Variants in OC90 observed in about 807,000 individuals in gnomAD.
OC90 encodes the protein otoconin 90, also known as otoconin-90.
Under a neutral mutation model 47.3 loss-of-function variants are expected in OC90, and 46 were observed. That is an observed-to-expected ratio of 0.97 (90% CI 0.77 to 1.24). The LOEUF is 1.24. Among genes scored for constraint, OC90 ranks in the 50% most tolerant of loss-of-function variants. The pLI is 0.00. For synonymous variants in OC90, 271 were observed against 219.5 expected (o/e 1.23, Z -2.07); for missense variants, 688 against 583.9 (o/e 1.18, Z -1.84).
chr8:132,042,548 T>C (rs1040241160), intron 4 of OC90, among the ~76,000 whole-genome samples: 3 of 152,182 alleles, frequency 2.0e-5, no homozygotes, highest in Admixed American at 6.5e-5. Flanking sequence ...CCCTGACTAG[T>C]GGTCCCAGCG....
chr8:132,026,879 C>T (rs1225954797), intron 13 of OC90, among the ~76,000 whole-genome samples: 1 of 152,176 alleles, frequency 6.6e-6, no homozygotes, highest in Non-Finnish European at 1.5e-5. Context: ...TGGCACCTGT[C>T]TGTCTCCTCA....
In OC90 at chr8:132,052,638, G is replaced by A. The variant is rs1823228219; in HGVS notation, c.46+2343C>T. Among the ~76,000 whole-genome samples, 5 of 152,306 alleles carry A rather than the reference G, an allele frequency of 3.3e-5. No individual in the cohort carries two copies. In the South Asian group the frequency reaches 1.0e-3, roughly 32 times the overall value. Reference sequence around the variant, plus strand: ...CTCTTTATCCCCGAGGACTAAGTTAGTTCACTCACAAAGTCCAACAGTGCA... The same window carrying A: ...CTCTTTATCCCCGAGGACTAAGTTAATTCACTCACAAAGTCCAACAGTGCA... On this transcript the variant is annotated intron_variant, in intron 2 of 13. Transcript: ENST00000254627.
chr8:132,051,750 T>C (rs766328664), intron 2 of OC90, among the ~76,000 whole-genome samples: 10 of 152,054 alleles, frequency 6.6e-5, no homozygotes, highest in Non-Finnish European at 1.3e-4. Flanking sequence ...GGGCAGATAA[T>C]GTAAACAAGT....
At chr8:132,058,780 C>G (rs560009737) in intron 1 of OC90, among the ~76,000 whole-genome samples, 29 of 152,258 alleles carry the variant, frequency 1.9e-4, no homozygotes, top group African/African-American at 7.0e-4. Context: ...ACACCAGGTG[C>G]CGTGGGCGGG....
intron 12 of OC90, among the ~76,000 whole-genome samples, chr8:132,030,839 G>T (rs1822862135): frequency 6.6e-6 from 1 of 152,100 alleles, no homozygotes; most frequent in African/African-American, 2.4e-5. Context: ...AAAGTGGATG[G>T]GTAAAAAACA....
chr8:132,041,815 A>C, intron 4 of OC90, 116 bp from the exon 5 acceptor site: 1 of 594,506 alleles, frequency 1.7e-6, no homozygotes, highest in Non-Finnish European at 2.9e-6. Flanking sequence ...CCTAGTAAGC[A>C]CCTACTCTGT....
Position 132,024,781 on chromosome 8 carries a change from G to A in OC90, c.1139-5C>T, listed in dbSNP as rs758769778. 3 of 1,608,772 alleles carry A rather than the reference G, an allele frequency of 1.9e-6. No homozygotes were observed. Among genetic ancestry groups the A allele is most frequent in the South Asian group, 2.2e-5 (2 of 90,044 alleles). ...CACACAGGCTTTGGCCCCCACCTTA[G>A]AAGGAAAGAGCAGAGTAGAAGCCAT... On this transcript the variant is annotated splice_region_variant and splice_polypyrimidine_tract_variant and intron_variant, in intron 13 of 13. Transcript: ENST00000254627.
At chr8:132,030,732 A>G (rs1449943172) in intron 12 of OC90, among the ~76,000 whole-genome samples, 1 of 152,200 alleles carries the variant, frequency 6.6e-6, no homozygotes, top group Non-Finnish European at 1.5e-5. Flanking sequence ...GTAAGTTTTG[A>G]AGGCTGACTG....
intron 12 of OC90, 59 bp from the exon 13 acceptor site, chr8:132,029,238 C>T: frequency 7.7e-7 from 1 of 1,303,092 alleles, no homozygotes; most frequent in Non-Finnish European, 1.1e-6. Context: ...GGAACCCCCT[C>T]AAGCACAGCC....
rs767671417 is a variant in OC90 at position 132,034,791 on chromosome 8, C to T, written c.723G>A (p.Thr241=). ...DQEGVGAARA[T]SPPGSAEIVA... is the part of the protein sequence containing the mutation. ...GCCCAGTAGGCTTACCTGGAGGGGA[C>T]GTAGCCCTAGCAGCTCCCACTCCTT... The change falls in exon 10 of 14, where the codon ACG becomes ACA. Residue 241 remains threonine (T), a synonymous_variant. Transcript: ENST00000254627. 24 of 1,611,414 alleles carry T rather than the reference C, an allele frequency of 1.5e-5. No individual in the cohort carries two copies. The highest frequency in any genetic ancestry group is 3.3e-5 in the Admixed American group (2 of 59,868).
intron 1 of OC90, among the ~76,000 whole-genome samples, chr8:132,058,499 A>G (rs1172510932): frequency 1.3e-5 from 2 of 152,070 alleles, no homozygotes; most frequent in African/African-American, 4.8e-5. Context: ...CTGCATAGCC[A>G]GTGTCTGAGC....
chr8:132,034,063 G>T (rs991879615), intron 10 of OC90, among the ~76,000 whole-genome samples: 36 of 152,066 alleles, frequency 2.4e-4, no homozygotes, highest in Admixed American at 3.9e-4. Context: ...TTAACATCCT[G>T]CCCAGTTCTC....
At chr8:132,028,698 A>G (rs13260532) in intron 13 of OC90, among the ~76,000 whole-genome samples, 4 of 127,180 alleles carry the variant, frequency 3.1e-5, no homozygotes, top group Admixed American at 8.3e-5. Context: ...GAAAGAAAGA[A>G]AGAGAGACAG....
chr8:132,045,418 A>G (rs1407645469), intron 3 of OC90, among the ~76,000 whole-genome samples: 3 of 152,206 alleles, frequency 2.0e-5, no homozygotes, highest in African/African-American at 7.2e-5. Context: ...CCGGGAAACA[A>G]ATATGGATCC....
rs1009255444 is a variant in OC90, at chr8:132,024,218, T to C, written c.*263A>G. ...TTAAAAGCAAAACAATCAGAGCATG[T>C]TGATTGGAGTATTTATTGAGCTTCC... On this transcript the variant is annotated 3_prime_UTR_variant, in exon 14 of 14. Transcript: ENST00000254627. The C allele has an allele frequency of 1.7e-5, 6 of 363,470 alleles. No homozygotes were observed. Among genetic ancestry groups the C allele is most frequent in the Non-Finnish European group, 3.0e-5 (6 of 201,854 alleles). The allele number at this position is 363,470 out of a possible 1,614,324, so 22.5% of individuals were successfully genotyped here.
At position 132,024,228 on chromosome 8, in the gene OC90, T is replaced by G; in HGVS notation, c.*253A>C. 2.6e-6 allele frequency: 1 copy of G among 392,040 alleles called. No homozygotes were observed. The highest frequency in any genetic ancestry group is 3.7e-5 in the East Asian group (1 of 27,316). The allele number at this position is 392,040 out of a possible 1,614,324, so 24.3% of individuals were successfully genotyped here. On this transcript the variant is annotated 3_prime_UTR_variant, in exon 14 of 14. Coordinates refer to ENST00000254627, the MANE Select transcript of OC90 (RefSeq NM_001080399.3). ...AACAATCAGAGCATGTTGATTGGAG[T>G]ATTTATTGAGCTTCCACAGTGCACT...
chr8:132,039,345 T>A (rs569131309), intron 6 of OC90, among the ~76,000 whole-genome samples: 92 of 152,238 alleles, frequency 6.0e-4, no homozygotes, highest in African/African-American at 1.9e-3. Context: ...GGCAGCACTA[T>A]TGGCTCCACT....
intron 13 of OC90, among the ~76,000 whole-genome samples, chr8:132,028,668 G>GAA (rs1563727629): frequency 3.2e-4 from 30 of 94,550 alleles, no homozygotes; most frequent in African/African-American, 1.3e-3. Flanking sequence ...GAAAGAAAGA[G>GAA]AGACAGAAAG....
chr8:132,036,012 T>G lies in OC90; in HGVS notation c.680-1178A>C, dbSNP rs1264200024. ...TTGATTTATGCTTATTAATAAAGGA[T>G]CCATAGTTATTTACAAAAGCAGAGT... On this transcript the variant is annotated intron_variant, in intron 9 of 13. Transcript: ENST00000254627. 2.6e-5 allele frequency among the ~76,000 whole-genome samples: 4 copies of G among 152,218 alleles called. No homozygotes were observed. In the East Asian group the frequency reaches 7.7e-4, roughly 29 times the overall value.
Sources: allele counts gnomAD v4.1 joint callset (sites outside exome capture counted in the v4.1 genomes callset), GRCh38; gene constraint gnomAD v4.1.1; transcripts MANE v1.5; gene names NCBI Gene and HGNC (gene_info 2026-07-23, HGNC 2026-07-21).